SRSF4: variants seen among roughly 807,000 people sequenced by gnomAD.
SRSF4 encodes the protein serine and arginine rich splicing factor 4.
In SRSF4, 12 loss-of-function variants were observed where a neutral mutation model predicts 48.8. The observed-to-expected ratio is 0.25, with a 90% CI of 0.16 to 0.40. The LOEUF (loss-of-function observed/expected upper bound fraction) is 0.40. Among genes scored for constraint, SRSF4 ranks in the 10% least tolerant of loss-of-function variants. The pLI, the probability that SRSF4 is intolerant of heterozygous loss-of-function variation, is 1.00. For synonymous variants in SRSF4, 248 were observed against 232.5 expected, an observed-to-expected ratio of 1.07 and a Z score of -0.61; for missense variants, 466 against 667.1, an observed-to-expected ratio of 0.70 and a Z score of 3.32.
At chr1:29,149,319 C>A in intron 5 of SRSF4, 93 bp from the exon 6 acceptor site, 3 of 1,398,884 alleles carry the variant, frequency 2.1e-6, no homozygotes, top group East Asian at 2.4e-5. Context: ...GAGTTACACC[C>A]CCCAATATAA....
At position 29,148,007 on chromosome 1, in the gene SRSF4, G is replaced by C. The variant is rs1672331169; in HGVS notation, c.*403C>G. On this transcript the variant is annotated 3_prime_UTR_variant, in exon 6 of 6. Transcript: ENST00000373795. Reference sequence around the variant, plus strand: ...AAAGTGGTAGGAAACTTAAGACTTAGCACTTTCACTAAATGGCATACATCG... The same window carrying C: ...AAAGTGGTAGGAAACTTAAGACTTACCACTTTCACTAAATGGCATACATCG... 1 of 452,260 alleles carries C rather than the reference G, an allele frequency of 2.2e-6. No individual in the cohort carries two copies. Among genetic ancestry groups the C allele is most frequent in the South Asian group, 1.6e-5 (1 of 63,874 alleles). 28.0% of individuals were successfully genotyped at this position (452,260 alleles called of 1,614,324 possible).
At chr1:29,181,304 T>C (rs933153352) in intron 1 of SRSF4, among the ~76,000 whole-genome samples, 22 of 152,266 alleles carry the variant, frequency 1.4e-4, no homozygotes, top group African/African-American at 4.1e-4. Context: ...CAGAAACGAA[T>C]AGGGCCCCAG....
chr1:29,159,693 A>G (rs192838619), intron 2 of SRSF4: 11 of 403,186 alleles, frequency 2.7e-5, no homozygotes, highest in Non-Finnish European at 2.7e-5. Flanking sequence ...TTGTAAGTAT[A>G]CATATTCATT....
At chr1:29,155,060 T>C (rs1672476189) in intron 3 of SRSF4, 150 bp from the exon 4 acceptor site, 1 of 722,142 alleles carries the variant, frequency 1.4e-6, no homozygotes, top group South Asian at 1.9e-5. Context: ...ATCAATCATG[T>C]ACTGAGGTTC....
At chr1:29,172,754 T>C (rs1384274113) in intron 1 of SRSF4, 2 of 152,324 alleles carry the variant, frequency 1.3e-5, no homozygotes, top group African/African-American at 2.4e-5. Context: ...GACACATGAA[T>C]TTTATTTCAT....
At chr1:29,170,351 A>C (rs1672729619) in intron 1 of SRSF4, 1 of 152,246 alleles carries the variant, frequency 6.6e-6, no homozygotes, top group Non-Finnish European at 1.5e-5. Context: ...TAAAGAAATA[A>C]AGGTTTACAC....
Position 29,148,094 on chromosome 1 carries a change from CAGCCTTAG to C in SRSF4, c.*308_*315del. 1.9e-6 allele frequency: 1 copy of C among 531,658 alleles called. No homozygotes were observed. The highest frequency in any genetic ancestry group is 2.2e-5 in the Admixed American group (1 of 44,622). 32.9% of individuals were successfully genotyped at this position (531,658 alleles called of 1,614,324 possible). ...ACCATACCTACCTATGTGGTCATTC[CAGCCTTAG>C]AGCCGTCCAGGTTACTGAGCTCCCT... On this transcript the variant is annotated 3_prime_UTR_variant, in exon 6 of 6. Coordinates refer to ENST00000373795, the MANE Select transcript of SRSF4 (RefSeq NM_005626.5).
chr1:29,159,476 A>G lies in SRSF4; in HGVS notation c.261T>C (p.Gly87=). The change falls in exon 3 of 6, where the codon GGT becomes GGC. Residue 87 remains glycine, a synonymous_variant. Coordinates refer to ENST00000373795, the MANE Select transcript of SRSF4 (RefSeq NM_005626.5). The part of the protein sequence containing the change: ...GSYGSGRSGY[G]YRRSGRDKYG... ...ATTTATCTCGGCCACTTCTTCTATA[A>G]CCATATCCACCTTTGGAAGGTTCAA... 6.2e-7 allele frequency: 1 copy of G among 1,612,386 alleles called. No individual in the cohort carries two copies. Among genetic ancestry groups the G allele is most frequent in the Non-Finnish European group, 8.5e-7 (1 of 1,178,558 alleles).
chr1:29,172,729 G>T (rs528226979), intron 1 of SRSF4: 27 of 152,272 alleles, frequency 1.8e-4, no homozygotes, highest in African/African-American at 5.8e-4. Flanking sequence ...ACTTGAATAT[G>T]TTCACTCCTG....
chr1:29,177,610 C>T (rs1325564302), intron 1 of SRSF4, among the ~76,000 whole-genome samples: 1 of 151,518 alleles, frequency 6.6e-6, no homozygotes, highest in Admixed American at 6.6e-5. Context: ...GTTTATGGGG[C>T]GGGTAGAAAA....
chr1:29,166,096 A>G (rs1046366557), intron 1 of SRSF4: 1 of 152,236 alleles, frequency 6.6e-6, no homozygotes, highest in Non-Finnish European at 1.5e-5. Flanking sequence ...CATCTGTTGA[A>G]GTTAACCCAC....
At chr1:29,149,906 G>A (rs1672380344) in intron 5 of SRSF4, among the ~76,000 whole-genome samples, 197 bp downstream of exon 5, 1 of 151,854 alleles carries the variant, frequency 6.6e-6, no homozygotes, top group East Asian at 1.9e-4. Flanking sequence ...GTATGTGCCT[G>A]TAGTCCCAGC....
intron 3 of SRSF4, among the ~76,000 whole-genome samples, chr1:29,159,081 G>C (rs1466687018): frequency 6.6e-6 from 1 of 151,540 alleles, no homozygotes; most frequent in Non-Finnish European, 1.5e-5. Flanking sequence ...ACTCCAGCCT[G>C]GGCAACACAG....
At chr1:29,160,726 C>T (rs1189320265) in intron 1 of SRSF4, among the ~76,000 whole-genome samples, 1 of 152,172 alleles carries the variant, frequency 6.6e-6, no homozygotes, top group Non-Finnish European at 1.5e-5. Context: ...AAGTAGACTC[C>T]TATCTTTCTA....
At chr1:29,152,716 C>T (rs753857543) in intron 4 of SRSF4, among the ~76,000 whole-genome samples, 10 of 151,974 alleles carry the variant, frequency 6.6e-5, no homozygotes, top group African/African-American at 1.2e-4. Context: ...GTCAGGAGTT[C>T]GAGACCAGTC....
Position 29,166,503 on chromosome 1 carries a change from G to C in SRSF4, c.108-5986C>G, listed in dbSNP as rs577264326. On this transcript the variant is annotated intron_variant, in intron 1 of 5. Coordinates refer to ENST00000373795, the MANE Select transcript of SRSF4 (RefSeq NM_005626.5). ...GGCCCTCACAGAAGAATTAACCAAT[G>C]TCACATTTACTGCTCAGGATCAGTG... Among the ~76,000 whole-genome samples the C allele has an allele frequency of 8.5e-5, 13 of 152,282 alleles. No individual in the cohort carries two copies. In the South Asian group the frequency reaches 2.7e-3, roughly 32 times the overall value.
intron 1 of SRSF4, among the ~76,000 whole-genome samples, chr1:29,162,763 C>T (rs916590397): frequency 1.3e-5 from 2 of 152,208 alleles, no homozygotes; most frequent in African/African-American, 4.8e-5. Context: ...TCACCGAATC[C>T]TGAGGATTAA....
In SRSF4 at chr1:29,148,770, C is replaced by G; in HGVS notation, c.1125G>C (p.Glu375Asp). ...RSRSRSRSKS[E>D]RSRKRGSKRD... The stretch of plus-strand genomic sequence containing the variant: ...GCTTGCTGCCTCGCTTTCTGCTCCT[C>G]TCACTCTTGCTGCGGCTGCGACTGC... The change falls in exon 6 of 6, where the codon GAG becomes GAC. Residue 375 changes from glutamate (E) to aspartate (D), a missense_variant. Physicochemically the swap from Glu to Asp is conservative, Grantham distance 45. This residue lies in a region of SRSF4 where 402 missense variants were observed against 437.0 expected (regional missense o/e 0.92). Transcript: ENST00000373795. 1 of 1,613,606 alleles carries G rather than the reference C, an allele frequency of 6.2e-7. No homozygotes were observed. The highest frequency in any genetic ancestry group is 1.1e-5 in the South Asian group (1 of 91,080).
At chr1:29,181,503 C>G in intron 1 of SRSF4, 143 bp downstream of exon 1, 1 of 663,232 alleles carries the variant, frequency 1.5e-6, no homozygotes, top group Non-Finnish European at 2.3e-6. Flanking sequence ...ACCCGCGCCC[C>G]CGAGGCGCCG....
Sources: gnomAD v4.1 joint callset for allele counts (sites outside exome capture counted in the v4.1 genomes callset) on GRCh38, gnomAD v4.1.1 for gene constraint, gnomAD v4.1.1 regional missense constraint, MANE v1.5 for transcripts, NCBI Gene and HGNC (gene_info 2026-07-23, HGNC 2026-07-21) for gene names.